USP43: variants seen among roughly 807,000 people sequenced by gnomAD.
USP43 encodes the protein ubiquitin carboxyl-terminal hydrolase 43.
A neutral mutation model predicts 90.7 loss-of-function variants in USP43; 33 were observed. The ratio of observed to expected loss-of-function variants is 0.36; its 90% CI spans 0.28 to 0.49. The LOEUF (loss-of-function observed/expected upper bound fraction) is 0.49, where lower values mean the gene tolerates loss of function less well. Among genes scored for constraint, USP43 ranks in the 20% least tolerant of loss-of-function variants. The probability of loss-of-function intolerance (pLI) is 0.98; values close to 1 mark genes in which losing one functional copy is unlikely to be tolerated. For missense variants in USP43, 1,274 were observed against 1,476.4 expected, an observed-to-expected ratio of 0.86 and a Z score of 2.25; for synonymous variants, 598 against 615.8, an observed-to-expected ratio of 0.97 and a Z score of 0.43.
chr17:9,657,064 C>A (rs556518379), intron 2 of USP43, among the ~76,000 whole-genome samples: 4 of 152,306 alleles, frequency 2.6e-5, no homozygotes, highest in African/African-American at 4.8e-5. Flanking sequence ...ATAAGCACAG[C>A]TAATTGATAC....
At chr17:9,693,708 C>T (rs1198998073) in intron 9 of USP43, among the ~76,000 whole-genome samples, 1 of 151,986 alleles carries the variant, frequency 6.6e-6, no homozygotes, top group African/African-American at 2.4e-5. Flanking sequence ...CGTGGTAGCA[C>T]GCGCCTATAA....
intron 12 of USP43, among the ~76,000 whole-genome samples, chr17:9,708,925 C>T (rs1916035507): frequency 6.6e-6 from 1 of 152,124 alleles, no homozygotes; most frequent in South Asian, 2.1e-4. Flanking sequence ...CCACGCCCGG[C>T]CTGTTTTTTT....
rs531913010 is a variant in USP43 at position 9,699,090 on chromosome 17, A to T, written c.1458-1082A>T. 2.6e-5 allele frequency among the ~76,000 whole-genome samples: 4 copies of T among 152,324 alleles called. No homozygotes were observed. In the South Asian group the frequency reaches 8.3e-4, roughly 32 times the overall value. On this transcript the variant is annotated intron_variant, in intron 9 of 14. Transcript: ENST00000285199. ...TGCAAGGCAGAGCTGCTTCCAGGAA[A>T]CGCAAGGCATGGGTGGGGGAGAATG...
chr17:9,694,747 C>A (rs1007733587), intron 9 of USP43, among the ~76,000 whole-genome samples: 7 of 152,104 alleles, frequency 4.6e-5, no homozygotes, highest in Non-Finnish European at 1.0e-4. Flanking sequence ...CCTCAGCCTC[C>A]CCAGTAGCTG....
At chr17:9,699,251 TC>T (rs1348407098) in intron 9 of USP43, among the ~76,000 whole-genome samples, 1 of 152,200 alleles carries the variant, frequency 6.6e-6, no homozygotes, top group Admixed American at 6.5e-5. Context: ...AGCATGGTTC[TC>T]CCCGTCTACA....
chr17:9,669,546 G>C (rs1913260246), intron 3 of USP43, among the ~76,000 whole-genome samples: 1 of 152,182 alleles, frequency 6.6e-6, no homozygotes, highest in Non-Finnish European at 1.5e-5. Flanking sequence ...CTGTGAACAA[G>C]ACTCAGCCCC....
At chr17:9,723,432 T>A (rs2152002404) in intron 14 of USP43, among the ~76,000 whole-genome samples, 1 of 151,986 alleles carries the variant, frequency 6.6e-6, no homozygotes, top group African/African-American at 2.4e-5. Flanking sequence ...TTTTGTGATT[T>A]GCTGTTGAGT....
chr17:9,709,873 G>T lies in USP43; in HGVS notation c.2012-83G>T. ...TTTCTCATTCTGGTTTAAACATACC[G>T]CTTTTTCAGCTATGCCAGTGGGAAA... On this transcript the variant is annotated intron_variant, in intron 12 of 14. Transcript: ENST00000285199. The surrounding 1 kb of genome is among the most constrained non-coding windows in gnomAD (Gnocchi z 5.0). 1 of 1,316,134 alleles carries T rather than the reference G, an allele frequency of 7.6e-7. No individual in the cohort carries two copies. The highest frequency in any genetic ancestry group is 9.8e-7 in the Non-Finnish European group (1 of 1,020,012). 81.5% of individuals were successfully genotyped at this position (1,316,134 alleles called of 1,614,324 possible). A position where few individuals can be genotyped will look rare whatever the true frequency, so the allele number is the denominator to read the frequency against.
intron 5 of USP43, 31 bp downstream of exon 5, chr17:9,676,912 T>G (rs764893189): frequency 6.2e-7 from 1 of 1,605,656 alleles, no homozygotes; most frequent in African/African-American, 1.3e-5. Flanking sequence ...GGCCTGGTCA[T>G]TGGATGATAG....
At chr17:9,691,263 C>CG (rs1386527436) in intron 8 of USP43, among the ~76,000 whole-genome samples, 1 of 151,276 alleles carries the variant, frequency 6.6e-6, no homozygotes, top group Non-Finnish European at 1.5e-5. Flanking sequence ...TACAGGCACC[C>CG]GCCACCACAC....
intron 1 of USP43, among the ~76,000 whole-genome samples, chr17:9,648,916 T>C (rs371547534): frequency 6.6e-6 from 1 of 150,634 alleles, no homozygotes; most frequent in African/African-American, 2.5e-5. Flanking sequence ...TCTCTCTCTC[T>C]CCCACTCTTT....
Position 9,712,041 on chromosome 17 carries a change from C to T in USP43, c.2244C>T (p.Ser748=), listed in dbSNP as rs377597623. ...GCCACGCTGGCAGCACAAGGGGAAG[C>T]CTGCTGTCCTGGAGCTCTGCCCCCT... ...LGSHAGSTRG[S]LLSWSSAPCP... Residue 748 remains serine, a synonymous_variant, in exon 14 of 15, where the codon AGC becomes AGT. Coordinates refer to ENST00000285199, the MANE Select transcript of USP43 (RefSeq NM_153210.5). The T allele has an allele frequency of 1.6e-5, 25 of 1,612,650 alleles. No individual in the cohort carries two copies. Among genetic ancestry groups the T allele is most frequent in the Non-Finnish European group, 2.0e-5 (24 of 1,179,318 alleles).
intron 9 of USP43, among the ~76,000 whole-genome samples, chr17:9,695,019 T>A (rs192282868): frequency 2.6e-5 from 4 of 152,332 alleles, no homozygotes; most frequent in African/African-American, 9.6e-5. Context: ...AGCGCTAGAA[T>A]TGAGTAGAGT....
intron 12 of USP43, among the ~76,000 whole-genome samples, chr17:9,702,639 G>A (rs190690391): frequency 5.7e-5 from 8 of 140,726 alleles, no homozygotes; most frequent in East Asian, 1.9e-4. Context: ...AGAGTGTCAT[G>A]AGGGATGATT....
chr17:9,694,033 C>T (rs971365806), intron 9 of USP43, among the ~76,000 whole-genome samples: 1 of 152,162 alleles, frequency 6.6e-6, no homozygotes, highest in Non-Finnish European at 1.5e-5. Context: ...ACCTTGATAG[C>T]CTTCTGGTGC....
Position 9,693,221 on chromosome 17 carries a change from C to A in USP43, c.1448C>A (p.Ala483Glu). ...PKDSRPLCHW[A>E]VDRVLHLRRP... is the part of the protein sequence containing the mutation. Reference sequence around the variant, plus strand: ...GACAGTCGGCCCCTCTGTCACTGGGCAGTTGACAGGTAAGGGGGAAGGTCC... The same window carrying A: ...GACAGTCGGCCCCTCTGTCACTGGGAAGTTGACAGGTAAGGGGGAAGGTCC... The change falls in exon 9 of 15, where the codon GCA becomes GAA. Residue 483 changes from alanine (A) to glutamate (E), a missense_variant. Physicochemically the swap from Ala to Glu is moderately radical, Grantham distance 107. Around this residue, in one of 6 missense-constraint regions of USP43, gnomAD observed 253 missense variants for 276.0 expected, o/e 0.92. Coordinates refer to ENST00000285199, the MANE Select transcript of USP43 (RefSeq NM_153210.5). 6.2e-7 allele frequency: 1 copy of A among 1,612,184 alleles called. No individual in the cohort carries two copies. The highest frequency in any genetic ancestry group is 8.5e-7 in the Non-Finnish European group (1 of 1,179,128).
chr17:9,677,702 AC>A (rs1209290425), intron 5 of USP43, among the ~76,000 whole-genome samples: 3 of 152,176 alleles, frequency 2.0e-5, no homozygotes, highest in Non-Finnish European at 4.4e-5. Flanking sequence ...TGTGTCCTTA[AC>A]TGTGACATGG....
chr17:9,691,655 T>C (rs1224049970), intron 8 of USP43, among the ~76,000 whole-genome samples: 1 of 152,078 alleles, frequency 6.6e-6, no homozygotes, highest in East Asian at 1.9e-4. Context: ...TGCTGAACTG[T>C]TTTCTACAGC....
At chr17:9,666,540 A>G (rs1913047688) in intron 2 of USP43, 108 bp from the exon 3 acceptor site, 2 of 864,280 alleles carry the variant, frequency 2.3e-6, no homozygotes, top group South Asian at 1.5e-5. Flanking sequence ...ACAGAGGCCC[A>G]GAAAGGGATG....
Sources: allele counts gnomAD v4.1 joint callset (sites outside exome capture counted in the v4.1 genomes callset), GRCh38; gene constraint gnomAD v4.1.1; regional missense constraint gnomAD v4.1.1; non-coding constraint Gnocchi (gnomAD v3.1); transcripts MANE v1.5; gene names NCBI Gene and HGNC (gene_info 2026-07-23, HGNC 2026-07-21).